The following ENTREP1 variants were observed in gnomAD, a reference collection of about 807,000 sequenced individuals.
The protein encoded by ENTREP1 is endosomal transmembrane epsin interactor 1.
At chr9:69,350,333 C>CT in the ENTREP1 span, among the ~76,000 whole-genome samples, 1 of 34,202 alleles carries the variant, frequency 2.9e-5, no homozygotes, top group Non-Finnish European at 5.1e-5. Context: ...TAGAAAGACT[C>CT]TTTTTCCCCT....
At chr9:69,345,236 A>G in the ENTREP1 span, among the ~76,000 whole-genome samples, 2 of 152,158 alleles carry the variant, frequency 1.3e-5, no homozygotes, top group Non-Finnish European at 1.5e-5. Context: ...TAATGTCTCA[A>G]CGGTGATACC....
the ENTREP1 span, among the ~76,000 whole-genome samples, chr9:69,336,060 C>G: frequency 6.6e-6 from 1 of 152,182 alleles, no homozygotes; most frequent in Non-Finnish European, 1.5e-5. Flanking sequence ...AGTGGTCTAC[C>G]AGAGTGAACC....
chr9:69,388,389 T>C, the ENTREP1 span: 1 of 1,613,978 alleles, frequency 6.2e-7, no homozygotes, highest in South Asian at 1.1e-5. Context: ...ATTAAATCTG[T>C]TTTGAAATCT....
chr9:69,357,521 G>T, the ENTREP1 span, among the ~76,000 whole-genome samples: 1 of 152,208 alleles, frequency 6.6e-6, no homozygotes, highest in Non-Finnish European at 1.5e-5. Flanking sequence ...CCTGTGTTTG[G>T]CTTGTTGGCA....
the ENTREP1 span, among the ~76,000 whole-genome samples, chr9:69,362,096 G>T: frequency 6.6e-6 from 1 of 152,126 alleles, no homozygotes; most frequent in Non-Finnish European, 1.5e-5. Flanking sequence ...CCTTCCCACG[G>T]TTACTGGAAC....
chr9:69,390,416 TCTC>T, the ENTREP1 span, among the ~76,000 whole-genome samples: 1 of 152,234 alleles, frequency 6.6e-6, no homozygotes, highest in African/African-American at 2.4e-5. Flanking sequence ...CGGACAGTTC[TCTC>T]CTCTTCAATC....
At chr9:69,367,484 T>C in the ENTREP1 span, among the ~76,000 whole-genome samples, 5,967 of 150,860 alleles carry the variant, frequency 0.04, 354 homozygotes, top group African/African-American at 0.14. Flanking sequence ...TTCCAATCCA[T>C]GAACATGGGA....
the ENTREP1 span, among the ~76,000 whole-genome samples, chr9:69,353,556 A>G: frequency 2.0e-5 from 3 of 152,160 alleles, no homozygotes; most frequent in Admixed American, 1.3e-4. Flanking sequence ...GCTTAAGAAA[A>G]TTTTCTAATA....
the ENTREP1 span, among the ~76,000 whole-genome samples, chr9:69,326,186 C>G: frequency 3.9e-5 from 6 of 152,128 alleles, no homozygotes; most frequent in African/African-American, 1.2e-4. Context: ...GACAGTTTGA[C>G]TGGGGCACAT....
chr9:69,378,195 T>C, the ENTREP1 span, among the ~76,000 whole-genome samples: 5 of 152,176 alleles, frequency 3.3e-5, no homozygotes, highest in African/African-American at 1.2e-4. Context: ...GCTGTTGCCT[T>C]GGAAACACTC....
chr9:69,381,765 G>A, the ENTREP1 span: 1 of 152,198 alleles, frequency 6.6e-6, no homozygotes, highest in East Asian at 1.9e-4. Flanking sequence ...TAATAGGAAA[G>A]GAACTTTCCT....
At chr9:69,352,386 T>G in the ENTREP1 span, among the ~76,000 whole-genome samples, 1 of 152,230 alleles carries the variant, frequency 6.6e-6, no homozygotes, top group Non-Finnish European at 1.5e-5. Flanking sequence ...CTCAAAATGC[T>G]GGGATTACAA....
the ENTREP1 span, chr9:69,385,661 A>C: frequency 3.0e-6 from 4 of 1,317,602 alleles, no homozygotes; most frequent in Non-Finnish European, 3.9e-6. Flanking sequence ...GCCTGAGTAA[A>C]TGTTATTAAC....
the ENTREP1 span, chr9:69,387,939 C>G: frequency 6.6e-7 from 1 of 1,507,604 alleles, no homozygotes; most frequent in Non-Finnish European, 8.9e-7. Flanking sequence ...GTACATGACA[C>G]AATGACGTGT....
the ENTREP1 span, chr9:69,325,297 T>A: frequency 8.5e-7 from 1 of 1,170,000 alleles, no homozygotes; most frequent in Non-Finnish European, 1.1e-6. Context: ...GCCGCACCCT[T>A]CCCCGTCCGT....
At chr9:69,367,768 T>TATATATAAATATATATATACAC in the ENTREP1 span, among the ~76,000 whole-genome samples, 1 of 106,906 alleles carries the variant, frequency 9.4e-6, no homozygotes, top group Non-Finnish European at 1.9e-5. Context: ...TATATACACA[T>TATATATAAATATATATATACAC]ATATATAAAT....
the ENTREP1 span, among the ~76,000 whole-genome samples, chr9:69,327,295 A>G: frequency 6.6e-6 from 1 of 152,210 alleles, no homozygotes; most frequent in Non-Finnish European, 1.5e-5. Flanking sequence ...GGAAAACTAC[A>G]GAAGGATGGA....
At chr9:69,328,111 C>G in the ENTREP1 span, among the ~76,000 whole-genome samples, 1 of 152,120 alleles carries the variant, frequency 6.6e-6, no homozygotes, top group Non-Finnish European at 1.5e-5. Flanking sequence ...TACCTTTCAC[C>G]CAGCTTCAAC....
At chr9:69,371,872 A>T in the ENTREP1 span, among the ~76,000 whole-genome samples, 1,148 of 152,352 alleles carry the variant, frequency 7.5e-3, 15 homozygotes, top group African/African-American at 0.026. Flanking sequence ...GAATGGATGG[A>T]TCAGATGTCC....
Sources: allele counts gnomAD v4.1 joint callset (sites outside exome capture counted in the v4.1 genomes callset), GRCh38; gene constraint gnomAD v4.1.1; transcripts MANE v1.5; gene names NCBI Gene and HGNC (gene_info 2026-07-23, HGNC 2026-07-21).